The following DNAH6 variants were observed in gnomAD, a reference collection of about 807,000 sequenced individuals.
DNAH6 encodes the protein axonemal beta dynein heavy chain 6.
A neutral mutation model predicts 491.4 loss-of-function variants in DNAH6; 340 were observed. The observed-to-expected ratio is 0.69, with a 90% CI of 0.63 to 0.76. The LOEUF (loss-of-function observed/expected upper bound fraction) is 0.76. Ranked by LOEUF, DNAH6 falls within the 30% of genes least tolerant of loss-of-function variation. The pLI, the probability that DNAH6 is intolerant of heterozygous loss-of-function variation, is 0.00. For synonymous variants in DNAH6, 1,603 were observed against 1,686.1 expected (o/e 0.95, Z 1.21); for missense variants, 4,443 against 4,972.2 (o/e 0.89, Z 3.20).
chr2:84,582,383 A>G (rs1405831336), intron 14 of DNAH6, among the ~76,000 whole-genome samples: 1 of 152,156 alleles, frequency 6.6e-6, no homozygotes, highest in Non-Finnish European at 1.5e-5. Context: ...ACATGACTAC[A>G]GTGTTTTTAT....
chr2:84,550,668 A>G (rs1679249844), intron 9 of DNAH6, among the ~76,000 whole-genome samples: 1 of 152,130 alleles, frequency 6.6e-6, no homozygotes, highest in African/African-American at 2.4e-5. Context: ...ATATTTCTTA[A>G]GTATCTACTG....
chr2:84,579,028 A>G (rs532895514), intron 13 of DNAH6, among the ~76,000 whole-genome samples: 18 of 152,322 alleles, frequency 1.2e-4, no homozygotes, highest in African/African-American at 3.4e-4. Context: ...CTGTGAGTCA[A>G]TTAAACTTGT....
At chr2:84,605,309 C>T (rs1272912779) in intron 19 of DNAH6, among the ~76,000 whole-genome samples, 191 bp from the exon 20 acceptor site, 1 of 143,992 alleles carries the variant, frequency 6.9e-6, no homozygotes, top group Non-Finnish European at 1.5e-5. Flanking sequence ...GCCGAGGTTA[C>T]ACCACCGCAC....
chr2:84,788,413 G>T lies in DNAH6; in HGVS notation c.11239+1111G>T, dbSNP rs142720393. ...TCTGTAGATTTAATGCAATCCCTAT[G>T]TAACAGCAGACTGTTACACCCAGAT... On this transcript the variant is annotated intron_variant, in intron 68 of 76. Coordinates refer to ENST00000389394, the MANE Select transcript of DNAH6 (RefSeq NM_001370.2). Among the ~76,000 whole-genome samples the T allele has an allele frequency of 6.6e-5, 10 of 152,216 alleles. No homozygotes were observed. In the East Asian group the frequency reaches 1.9e-3, roughly 29 times the overall value.
chr2:84,760,771 G>A (rs1418326741), intron 63 of DNAH6, among the ~76,000 whole-genome samples: 2 of 152,082 alleles, frequency 1.3e-5, no homozygotes, highest in Admixed American at 6.6e-5. Flanking sequence ...TTTGAGGCAT[G>A]ATCTCACTCT....
chr2:84,617,010 T>A, intron 23 of DNAH6, 28 bp downstream of exon 23: 1 of 1,260,916 alleles, frequency 7.9e-7, no homozygotes, highest in Non-Finnish European at 1.1e-6. Context: ...CCTAAGATAT[T>A]TTTTAGTAGT....
intron 76 of DNAH6, among the ~76,000 whole-genome samples, chr2:84,816,823 G>C (rs930532886): frequency 7.2e-5 from 11 of 152,114 alleles, no homozygotes; most frequent in African/African-American, 2.7e-4. Flanking sequence ...AAACCAGACA[G>C]AAAGAAAGCC....
the DNAH6 span, among the ~76,000 whole-genome samples, chr2:84,483,273 T>C: frequency 6.6e-6 from 1 of 152,130 alleles, no homozygotes; most frequent in South Asian, 2.1e-4. Flanking sequence ...CAATAATTTG[T>C]ATTTTTAAAA....
intron 62 of DNAH6, among the ~76,000 whole-genome samples, chr2:84,741,793 T>A (rs543160549): frequency 5.3e-5 from 8 of 152,312 alleles, no homozygotes; most frequent in Admixed American, 4.6e-4. Context: ...TCCTGTGGGA[T>A]TGTGTGTGGG....
At position 84,654,758 on chromosome 2, in the gene DNAH6, T is replaced by G; in HGVS notation, c.5733T>G (p.Thr1911=). The G allele has an allele frequency of 6.4e-7, 1 of 1,551,100 alleles. No homozygotes were observed. Among genetic ancestry groups the G allele is most frequent in the South Asian group, 1.2e-5 (1 of 84,034 alleles). Residue 1911 remains threonine (T), a synonymous_variant, in exon 35 of 77, where the codon ACT becomes ACG. Coordinates refer to ENST00000389394, the MANE Select transcript of DNAH6 (RefSeq NM_001370.2). The part of the protein sequence containing the change: ...EELKWMPYVK[T]WMKGISKKLT... Reference sequence around the variant, plus strand: ...TGAAATGGATGCCTTATGTTAAAACTTGGATGAAGGGTATTTCTAAAAAAG... The same window carrying G: ...TGAAATGGATGCCTTATGTTAAAACGTGGATGAAGGGTATTTCTAAAAAAG...
chr2:84,804,103 G>A (rs923983928), intron 70 of DNAH6, among the ~76,000 whole-genome samples: 3 of 151,280 alleles, frequency 2.0e-5, no homozygotes, highest in African/African-American at 7.3e-5. Context: ...GCTACTTGGA[G>A]GCTGAGGCAG....
chr2:84,715,605 G>A lies in DNAH6; in HGVS notation c.9589G>A (p.Gly3197Ser). ...TATCAATTTCACTGTAACAAAATCA[G>A]GCCTGGAGGATCAGTTGTTAAGGTA... ...TIINFTVTKS[G>S]LEDQLLSDVV... The change falls in exon 58 of 77, where the codon GGC becomes AGC. Residue 3197 changes from glycine (G) to serine (S), a missense_variant. Gly to Ser is a moderately conservative substitution (Grantham distance 56). Transcript: ENST00000389394. 2 of 1,551,504 alleles carry A rather than the reference G, an allele frequency of 1.3e-6. No homozygotes were observed. Among genetic ancestry groups the A allele is most frequent in the South Asian group, 2.4e-5 (2 of 84,040 alleles).
chr2:84,675,445 G>A (rs1693147103), intron 40 of DNAH6, among the ~76,000 whole-genome samples: 1 of 151,914 alleles, frequency 6.6e-6, no homozygotes, highest in Non-Finnish European at 1.5e-5. Flanking sequence ...AAAGGAATTG[G>A]CACACACTCT....
intron 62 of DNAH6, among the ~76,000 whole-genome samples, chr2:84,741,137 T>C (rs1478548892): frequency 2.0e-5 from 3 of 151,954 alleles, no homozygotes; most frequent in East Asian, 3.9e-4. Flanking sequence ...AGCAAGGCAT[T>C]GGACATTGTC....
chr2:84,682,780 T>C (rs1166608233), intron 42 of DNAH6, among the ~76,000 whole-genome samples: 1 of 152,142 alleles, frequency 6.6e-6, no homozygotes, highest in Admixed American at 6.6e-5. Context: ...CCACTACCCT[T>C]CTAACCTCCT....
At chr2:84,696,710 T>C (rs1164358926) in intron 46 of DNAH6, among the ~76,000 whole-genome samples, 1 of 152,054 alleles carries the variant, frequency 6.6e-6, no homozygotes, top group Non-Finnish European at 1.5e-5. Context: ...GTTAAATATA[T>C]AGTACTCAAA....
chr2:84,612,063 A>T (rs753694688), intron 22 of DNAH6, among the ~76,000 whole-genome samples: 3 of 151,960 alleles, frequency 2.0e-5, no homozygotes, highest in Non-Finnish European at 4.4e-5. Flanking sequence ...TTTTATTATT[A>T]TTATCTCTCA....
At chr2:84,679,991 T>C (rs1693628915) in intron 41 of DNAH6, among the ~76,000 whole-genome samples, 1 of 152,244 alleles carries the variant, frequency 6.6e-6, no homozygotes, top group African/African-American at 2.4e-5. Flanking sequence ...AGCTTGTCTA[T>C]TCTCCATCAT....
chr2:84,694,449 A>G lies in DNAH6; in HGVS notation c.7493A>G (p.Lys2498Arg). 1 of 1,551,932 alleles carries G rather than the reference A, an allele frequency of 6.4e-7. No homozygotes were observed. The highest frequency in any genetic ancestry group is 8.7e-7 in the Non-Finnish European group (1 of 1,147,036). Residue 2498 changes from lysine (K) to arginine (R), a missense_variant, in exon 46 of 77, where the codon AAG becomes AGG. By Grantham distance (26) the Lys-to-Arg change is conservative (BLOSUM62 2). Around this residue, in one of 3 missense-constraint regions of DNAH6, gnomAD observed 2,977 missense variants for 3,296.6 expected, o/e 0.90. Coordinates refer to ENST00000389394, the MANE Select transcript of DNAH6 (RefSeq NM_001370.2). ...KLYKMAGVED[K>R]NMVFLFTDTQ... Reference sequence around the variant, plus strand: ...TACAAAATGGCTGGTGTAGAAGACAAGAATATGGTTTTCCTTTTCACTGAC... The same window carrying G: ...TACAAAATGGCTGGTGTAGAAGACAGGAATATGGTTTTCCTTTTCACTGAC...
Sources: allele counts gnomAD v4.1 joint callset (sites outside exome capture counted in the v4.1 genomes callset), GRCh38; gene constraint gnomAD v4.1.1; regional missense constraint gnomAD v4.1.1; transcripts MANE v1.5; gene names NCBI Gene and HGNC (gene_info 2026-07-23, HGNC 2026-07-21).